ADGRL4: variants seen among roughly 807,000 people sequenced by gnomAD.
ADGRL4 encodes EGF, latrophilin and seven transmembrane domain containing 1.
Under a neutral mutation model 74.8 loss-of-function variants are expected in ADGRL4, and 90 were observed. The ratio of observed to expected loss-of-function variants is 1.20; its 90% CI spans 1.02 to 1.43. The LOEUF (loss-of-function observed/expected upper bound fraction) is 1.43. Ranked by LOEUF, ADGRL4 falls within the 40% of genes most tolerant of loss-of-function variation. ADGRL4 has a pLI of 0.00. For missense variants in ADGRL4, 881 were observed against 814.3 expected (o/e 1.08, Z -1.00); for synonymous variants, 311 against 279.2 (o/e 1.11, Z -1.14).
At chr1:78,990,201 T>A (rs546701897) in intron 2 of ADGRL4, among the ~76,000 whole-genome samples, 2 of 151,990 alleles carry the variant, frequency 1.3e-5, no homozygotes, top group Non-Finnish European at 2.9e-5. Flanking sequence ...GTACTCGATA[T>A]CTAATTTTGA....
chr1:79,005,080 T>C lies in ADGRL4; in HGVS notation c.162A>G (p.Thr54=), dbSNP rs200964524. The C allele has an allele frequency of 1.8e-5, 29 of 1,611,844 alleles. No individual in the cohort carries two copies. The highest frequency in any genetic ancestry group is 2.4e-5 in the Non-Finnish European group (28 of 1,179,220). The change falls in exon 2 of 15, where the codon ACA becomes ACG. Residue 54 remains threonine (T), a synonymous_variant. Transcript: ENST00000370742. ...CNMGFSGNGV[T]ICEDDNECGN... is the part of the protein sequence containing the mutation. The stretch of plus-strand genomic sequence containing the variant: ...ACAAAGCTTGTTTACCTTCACAAAT[T>C]GTGACACCATTTCCTGAAAATCCCA...
chr1:78,945,992 T>C (rs1649593041), intron 3 of ADGRL4, among the ~76,000 whole-genome samples: 1 of 152,182 alleles, frequency 6.6e-6, no homozygotes, highest in Non-Finnish European at 1.5e-5. Context: ...GCCACTATAC[T>C]AGATCTCATG....
chr1:78,988,896 A>C (rs1314641448), intron 2 of ADGRL4, among the ~76,000 whole-genome samples: 1 of 151,892 alleles, frequency 6.6e-6, no homozygotes, highest in Admixed American at 6.6e-5. Context: ...TTAAAAATAT[A>C]TATGTACTTC....
chr1:78,926,681 T>C (rs549598433), intron 8 of ADGRL4, among the ~76,000 whole-genome samples: 1 of 152,098 alleles, frequency 6.6e-6, no homozygotes, highest in East Asian at 1.9e-4. Context: ...ATTAATGAAT[T>C]CCTTGGTATT....
chr1:78,970,542 C>T (rs745745126), intron 2 of ADGRL4, among the ~76,000 whole-genome samples: 2 of 152,120 alleles, frequency 1.3e-5, no homozygotes, highest in Non-Finnish European at 2.9e-5. Flanking sequence ...CACCAGGACT[C>T]AGGAATGCAA....
chr1:78,998,662 A>G (rs536050484), intron 2 of ADGRL4, among the ~76,000 whole-genome samples: 1 of 152,244 alleles, frequency 6.6e-6, no homozygotes, highest in Admixed American at 6.5e-5. Context: ...CACCGCACCC[A>G]GCCAGTTTCT....
Position 78,977,483 on chromosome 1 carries a change from T to A in ADGRL4, c.172+27587A>T, listed in dbSNP as rs548705839. ...CAAATTTGTCCACAATGAAGTTGAA[T>A]TTTTTAAATGCAAAGGACTAAATAT... is the stretch of plus-strand genomic sequence containing the variant. On this transcript the variant is annotated intron_variant, in intron 2 of 14. Coordinates refer to ENST00000370742, the MANE Select transcript of ADGRL4 (RefSeq NM_022159.4). Among the ~76,000 whole-genome samples the A allele has an allele frequency of 2.2e-4, 34 of 152,076 alleles. No individual in the cohort carries two copies. In the South Asian group the frequency reaches 7.0e-3, roughly 31 times the overall value.
At chr1:78,936,206 T>C (rs1649348697) in intron 7 of ADGRL4, 89 bp downstream of exon 7, 2 of 1,348,058 alleles carry the variant, frequency 1.5e-6, no homozygotes, top group African/African-American at 1.5e-5. Context: ...AAACCACATG[T>C]TACATGTACA....
At chr1:78,979,079 A>G (rs903828694) in intron 2 of ADGRL4, among the ~76,000 whole-genome samples, 1 of 151,916 alleles carries the variant, frequency 6.6e-6, no homozygotes, top group Non-Finnish European at 1.5e-5. Context: ...ATCCTGCATG[A>G]TTCTCTCCCT....
chr1:78,959,293 G>C (rs187507916), intron 2 of ADGRL4, among the ~76,000 whole-genome samples: 1 of 151,986 alleles, frequency 6.6e-6, no homozygotes, highest in Non-Finnish European at 1.5e-5. Context: ...AATAATCAAA[G>C]AAACTAAAAT....
intron 2 of ADGRL4, among the ~76,000 whole-genome samples, chr1:78,958,733 T>C (rs1014950797): frequency 7.2e-5 from 11 of 152,220 alleles, no homozygotes; most frequent in African/African-American, 2.2e-4. Flanking sequence ...ATAAACTTAG[T>C]TGATAAAGCA....
chr1:78,893,057 C>T, intron 13 of ADGRL4, 41 bp downstream of exon 13: 3 of 756,074 alleles, frequency 4.0e-6, no homozygotes, highest in Non-Finnish European at 5.9e-6. Flanking sequence ...CTTTTAATTA[C>T]CAAAAAAAAA....
At chr1:78,907,563 A>C (rs911855140) in intron 12 of ADGRL4, among the ~76,000 whole-genome samples, 4 of 152,060 alleles carry the variant, frequency 2.6e-5, no homozygotes, top group Non-Finnish European at 5.9e-5. Flanking sequence ...TTTCCAAAAG[A>C]AAAAAATGGG....
At chr1:78,970,494 C>A (rs913127081) in intron 2 of ADGRL4, among the ~76,000 whole-genome samples, 1 of 152,098 alleles carries the variant, frequency 6.6e-6, no homozygotes, top group Non-Finnish European at 1.5e-5. Context: ...GTCATGGGTG[C>A]AAGCCACTTT....
intron 12 of ADGRL4, among the ~76,000 whole-genome samples, chr1:78,893,778 G>C (rs1009225436): frequency 1.3e-5 from 2 of 151,806 alleles, no homozygotes; most frequent in African/African-American, 4.8e-5. Context: ...TTAAATGTTT[G>C]TTGTTAGGCA....
At chr1:78,966,316 C>A (rs1650055273) in intron 2 of ADGRL4, among the ~76,000 whole-genome samples, 1 of 152,026 alleles carries the variant, frequency 6.6e-6, no homozygotes, top group Admixed American at 6.6e-5. Context: ...TTCCTTTTTC[C>A]TTTTTTTGCC....
chr1:78,908,027 A>C (rs1176016731), intron 12 of ADGRL4, among the ~76,000 whole-genome samples: 1 of 152,040 alleles, frequency 6.6e-6, no homozygotes. Context: ...AATCAAGACC[A>C]AGCCACGCAG....
rs1648328751 is a variant in ADGRL4, at chr1:78,893,329, A to G, written c.1750-140T>C. 2.1e-5 allele frequency: 13 copies of G among 623,806 alleles called. No individual in the cohort carries two copies. In the South Asian group the frequency reaches 2.7e-4, roughly 13 times the overall value. The allele number at this position is 623,806 out of a possible 1,614,324, so 38.6% of individuals were successfully genotyped here. A position where few individuals can be genotyped will look rare whatever the true frequency, so the allele number is the denominator to read the frequency against. On this transcript the variant is annotated intron_variant, in intron 12 of 14. Transcript: ENST00000370742. ...ATATAGTTCTTTACAATATCACTGA[A>G]AATTATCAGTACAAGTGGTACCGAA...
At chr1:78,921,329 T>A (rs565339469) in intron 9 of ADGRL4, among the ~76,000 whole-genome samples, 1 of 150,516 alleles carries the variant, frequency 6.6e-6, no homozygotes, top group East Asian at 2.0e-4. Context: ...GGCAAATGGC[T>A]CTTGAAAGCA....
Sources: allele counts gnomAD v4.1 joint callset (sites outside exome capture counted in the v4.1 genomes callset), GRCh38; gene constraint gnomAD v4.1.1; transcripts MANE v1.5; gene names NCBI Gene and HGNC (gene_info 2026-07-23, HGNC 2026-07-21).